The following MED13 variants were observed in gnomAD, a reference collection of about 807,000 sequenced individuals.
MED13 encodes the protein mediator of RNA polymerase II transcription subunit 13.
A neutral mutation model predicts 225.2 loss-of-function variants in MED13; 23 were observed. The observed-to-expected ratio is 0.10, with a 90% confidence interval of 0.07 to 0.14. The LOEUF is 0.14. Among genes scored for constraint, MED13 ranks in the 10% least tolerant of loss-of-function variants. The pLI, the probability that MED13 is intolerant of heterozygous loss-of-function variation, is 1.00. For missense variants in MED13, 2,197 were observed against 2,594.5 expected (o/e 0.85, Z 3.33); for synonymous variants, 942 against 889.2 (o/e 1.06, Z -1.06).
In MED13 at chr17:61,984,284, G is replaced by A; in HGVS notation, c.2775C>T (p.Ser925=). The part of the protein sequence containing the change: ...SMFAPLKTLP[S]QYLPPIKLPE... Reference sequence around the variant, plus strand: ...GCAATTTGATAGGGGGCAGATATTGGCTTGGTAGAGTTTTTAGAGGTGCAA... The same window carrying A: ...GCAATTTGATAGGGGGCAGATATTGACTTGGTAGAGTTTTTAGAGGTGCAA... Residue 925 remains serine, a synonymous_variant, in exon 15 of 30, where the codon AGC becomes AGT. Transcript: ENST00000397786. The A allele has an allele frequency of 6.2e-7, 1 of 1,611,418 alleles. No homozygotes were observed. The highest frequency in any genetic ancestry group is 8.5e-7 in the Non-Finnish European group (1 of 1,178,908).
intron 3 of MED13, among the ~76,000 whole-genome samples, chr17:62,044,138 G>T (rs925189604): frequency 1.3e-5 from 2 of 151,648 alleles, no homozygotes; most frequent in Non-Finnish European, 2.9e-5. Context: ...ATCAGTTTTG[G>T]AGAGCACGAG....
In MED13 at chr17:61,992,605, G is replaced by A; in HGVS notation, c.2198C>T (p.Ser733Phe). The change falls in exon 11 of 30, where the codon TCT becomes TTT. Residue 733 changes from serine to phenylalanine, a missense_variant. Coordinates refer to ENST00000397786, the MANE Select transcript of MED13 (RefSeq NM_005121.3). Reference protein sequence around the residue: ...GKKHKVEDGTSSVTVLSHEED... With the variant: ...GKKHKVEDGTFSVTVLSHEED... Reference sequence around the variant, plus strand: ...TTCATGTGATAACACTGTTACACTAGATGTCCCATCTTCTACCTGCAAACA... The same window carrying A: ...TTCATGTGATAACACTGTTACACTAAATGTCCCATCTTCTACCTGCAAACA... The A allele has an allele frequency of 6.2e-7, 1 of 1,609,038 alleles. No individual in the cohort carries two copies. Among genetic ancestry groups the A allele is most frequent in the Non-Finnish European group, 8.5e-7 (1 of 1,175,880 alleles).
chr17:62,049,919 G>C (rs1428586786), intron 3 of MED13, among the ~76,000 whole-genome samples: 1 of 88,922 alleles, frequency 1.1e-5, no homozygotes, highest in East Asian at 5.7e-4. Flanking sequence ...GACAGAGTGA[G>C]GCTCTGTCTC....
chr17:61,982,241 T>C lies in MED13; in HGVS notation c.3762A>G (p.Ala1254=). ...GGTGTAAGCATGAACTTTTCACAAG[T>C]GCTTCATCAACTTTTCCTCCTGACA... ...DNMSGGKVDE[A]LVKSSCLHPW... is the part of the protein sequence containing the mutation. Residue 1254 remains alanine (A), a synonymous_variant, in exon 16 of 30, where the codon GCA becomes GCG. Coordinates refer to ENST00000397786, the MANE Select transcript of MED13 (RefSeq NM_005121.3). 1 of 1,614,166 alleles carries C rather than the reference T, an allele frequency of 6.2e-7. No individual in the cohort carries two copies. The highest frequency in any genetic ancestry group is 8.5e-7 in the Non-Finnish European group (1 of 1,180,018).
At chr17:61,956,877 C>T (rs535411836) in intron 23 of MED13, among the ~76,000 whole-genome samples, 11 of 152,108 alleles carry the variant, frequency 7.2e-5, no homozygotes, top group South Asian at 6.2e-4. Context: ...AAACAGATCT[C>T]CTTAATTTTA....
intron 3 of MED13, among the ~76,000 whole-genome samples, chr17:62,039,534 C>T (rs963336112): frequency 2.6e-5 from 4 of 151,290 alleles, no homozygotes; most frequent in Admixed American, 6.6e-5. Context: ...CTGCCTACCT[C>T]GGCCTCCCAA....
intron 5 of MED13, chr17:62,032,477 A>G (rs2080766114): frequency 7.0e-6 from 1 of 142,870 alleles, no homozygotes; most frequent in Admixed American, 7.3e-5. Flanking sequence ...ATTCCGTCTC[A>G]GGAAAAAAAA....
Position 62,062,164 on chromosome 17 carries a change from G to A in MED13, c.301+903C>T, listed in dbSNP as rs73336461. 5.8e-3 allele frequency among the ~76,000 whole-genome samples: 882 copies of A among 152,200 alleles called. 7 individuals are homozygous for A. The highest frequency in any genetic ancestry group is 0.02 in the African/African-American group (832 of 41,528). ...AAAAAAAATTATCTAGAAATCCTAA[G>A]TTTATCTGTCAAAAATCATTATCAA... On this transcript the variant is annotated intron_variant, in intron 2 of 29. Coordinates refer to ENST00000397786, the MANE Select transcript of MED13 (RefSeq NM_005121.3).
At chr17:62,023,263 C>T (rs2080667316) in intron 8 of MED13, among the ~76,000 whole-genome samples, 2 of 152,070 alleles carry the variant, frequency 1.3e-5, no homozygotes, top group South Asian at 2.1e-4. Flanking sequence ...TGTTATCAGG[C>T]AGGGTCCAGA....
At chr17:62,008,016 C>CAAGAAAA (rs2080468765) in intron 9 of MED13, among the ~76,000 whole-genome samples, 1 of 50,510 alleles carries the variant, frequency 2.0e-5, no homozygotes, top group Non-Finnish European at 3.9e-5. Flanking sequence ...GAGACTGTCT[C>CAAGAAAA]AAAAAAAAAA....
intron 16 of MED13, among the ~76,000 whole-genome samples, chr17:61,974,595 A>G (rs1389076063): frequency 6.6e-6 from 1 of 152,164 alleles, no homozygotes; most frequent in Non-Finnish European, 1.5e-5. Context: ...AGGATAATCA[A>G]TCAATAGAAA....
At chr17:62,009,949 C>T (rs1305376811) in intron 9 of MED13, among the ~76,000 whole-genome samples, 1 of 152,026 alleles carries the variant, frequency 6.6e-6, no homozygotes, top group African/African-American at 2.4e-5. Flanking sequence ...AGGCCAGGTG[C>T]GGTGGCTCAT....
At chr17:62,025,539 G>T (rs947119384) in intron 8 of MED13, among the ~76,000 whole-genome samples, 1 of 152,090 alleles carries the variant, frequency 6.6e-6, no homozygotes, top group African/African-American at 2.4e-5. Flanking sequence ...GTATGGTGGC[G>T]CGTGCCTATA....
intron 18 of MED13, 21 bp downstream of exon 18, chr17:61,968,014 C>A: frequency 1.3e-6 from 2 of 1,559,646 alleles, no homozygotes; most frequent in South Asian, 2.2e-5. Context: ...TTTAAAATGT[C>A]ATCTCTTTTT....
At chr17:61,981,685 A>C (rs2080206233) in intron 16 of MED13, among the ~76,000 whole-genome samples, 2 of 152,200 alleles carry the variant, frequency 1.3e-5, no homozygotes, top group African/African-American at 2.4e-5. Flanking sequence ...ATCTGACCAT[A>C]CATCTAAAAT....
intron 3 of MED13, among the ~76,000 whole-genome samples, chr17:62,040,795 A>G (rs986099218): frequency 1.2e-4 from 18 of 152,196 alleles, no homozygotes; most frequent in African/African-American, 4.3e-4. Context: ...TCAACACATC[A>G]CTAATCATTA....
At chr17:61,964,940 A>G (rs2080041946) in intron 20 of MED13, 66 bp downstream of exon 20, 2 of 1,453,318 alleles carry the variant, frequency 1.4e-6, no homozygotes, top group Non-Finnish European at 1.9e-6. Context: ...TGTCTCAAGA[A>G]AAAAAAAGAA....
chr17:62,015,955 T>TATATATATATATATA (rs1491450985), intron 8 of MED13, among the ~76,000 whole-genome samples: 6 of 4,024 alleles, frequency 1.5e-3, no homozygotes, highest in Admixed American at 0.015. Context: ...TATATATATA[T>TATATATATATATATA]TTTTTTTTTT....
chr17:62,061,390 T>C (rs939936320), intron 2 of MED13, among the ~76,000 whole-genome samples: 7 of 152,058 alleles, frequency 4.6e-5, no homozygotes, highest in African/African-American at 1.7e-4. Context: ...AATTAAACAT[T>C]ATGTATCTCT....
Sources: gnomAD v4.1 joint callset for allele counts (sites outside exome capture counted in the v4.1 genomes callset) on GRCh38, gnomAD v4.1.1 for gene constraint, MANE v1.5 for transcripts, NCBI Gene and HGNC (gene_info 2026-07-23, HGNC 2026-07-21) for gene names.